Variants in ESRRA observed in about 807,000 individuals in gnomAD.
ESRRA encodes the protein steroid hormone receptor ERR1.
Under a neutral mutation model 35.6 loss-of-function variants are expected in ESRRA, and 7 were observed. That is an observed-to-expected ratio of 0.20 (90% CI 0.11 to 0.37). The LOEUF is 0.37. ESRRA is among the 10% of genes least tolerant of loss of function. The pLI, the probability that ESRRA is intolerant of heterozygous loss-of-function variation, is 1.00. For synonymous variants in ESRRA, 223 were observed against 246.9 expected, an observed-to-expected ratio of 0.90 and a Z score of 0.91; for missense variants, 378 against 561.7, an observed-to-expected ratio of 0.67 and a Z score of 3.31.
At chr11:64,310,583 T>G (rs1485879837) in intron 2 of ESRRA, among the ~76,000 whole-genome samples, 1 of 136,360 alleles carries the variant, frequency 7.3e-6, no homozygotes, top group Non-Finnish European at 1.5e-5. Context: ...TTTGCTCTTG[T>G]TGTCCAGGCT....
rs75011925 is a variant in ESRRA at position 64,307,593 on chromosome 11, C to T, written c.325+89C>T. On this transcript the variant is annotated intron_variant, in intron 2 of 6. Coordinates refer to ENST00000000442, the MANE Select transcript of ESRRA (RefSeq NM_004451.5). Reference sequence around the variant, plus strand: ...ATAGGCCCCCTGATGGCTGTGGCACCGCTTGAGGCTAACAATCTGGTGTTT... The same window carrying T: ...ATAGGCCCCCTGATGGCTGTGGCACTGCTTGAGGCTAACAATCTGGTGTTT... The T allele has an allele frequency of 3.4e-3, 3,373 of 981,984 alleles. 13 individuals are homozygous for T. Among genetic ancestry groups the T allele is most frequent in the Middle Eastern group, 8.6e-3 (39 of 4,542 alleles). 60.8% of individuals were successfully genotyped at this position (981,984 alleles called of 1,614,324 possible). A position where few individuals can be genotyped will look rare whatever the true frequency, so the allele number is the denominator to read the frequency against.
chr11:64,311,875 G>A lies in ESRRA; in HGVS notation c.326-2076G>A, dbSNP rs1318386067. On this transcript the variant is annotated intron_variant, in intron 2 of 6. Coordinates refer to ENST00000000442, the MANE Select transcript of ESRRA (RefSeq NM_004451.5). ...AATTTTTGTATTTTTAGTAGAGACAGGGTTTCACCGTGTTGGTCAGGCTGG... is the reference window on the plus strand; with the variant it reads ...AATTTTTGTATTTTTAGTAGAGACAAGGTTTCACCGTGTTGGTCAGGCTGG... Among the ~76,000 whole-genome samples, 4 of 151,750 alleles carry A rather than the reference G, an allele frequency of 2.6e-5. No individual in the cohort carries two copies. In the East Asian group the frequency reaches 7.8e-4, roughly 30 times the overall value.
chr11:64,310,160 GA>G (rs2035111739), intron 2 of ESRRA, among the ~76,000 whole-genome samples: 1 of 151,850 alleles, frequency 6.6e-6, no homozygotes, highest in Non-Finnish European at 1.5e-5. Context: ...TTCAATGTTA[GA>G]CTGCTTCCTC....
intron 2 of ESRRA, among the ~76,000 whole-genome samples, chr11:64,309,927 C>T (rs372375068): frequency 1.0e-3 from 126 of 123,410 alleles, no homozygotes; most frequent in African/African-American, 3.2e-3. Context: ...AGTGAGAGTT[C>T]GTATCAAAAA....
intron 2 of ESRRA, among the ~76,000 whole-genome samples, chr11:64,311,243 C>T (rs2035133490): frequency 1.3e-5 from 2 of 152,200 alleles, no homozygotes; most frequent in Admixed American, 1.3e-4. Context: ...GGCCAGTGTT[C>T]CAGGCCTTGG....
rs1190056676 is a variant in ESRRA, at chr11:64,313,241, G to A, written c.326-710G>A. On this transcript the variant is annotated intron_variant, in intron 2 of 6. Transcript: ENST00000000442. The surrounding 1 kb of genome is among the most constrained non-coding windows in gnomAD (Gnocchi z 4.0). ...GGGTGTGAGAGGAACCAGAGATTCT[G>A]CCTAGGTTTCTTCTTGGGCAAGTGA... 1.3e-5 allele frequency among the ~76,000 whole-genome samples: 2 copies of A among 152,188 alleles called. No homozygotes were observed. Among genetic ancestry groups the A allele is most frequent in the Non-Finnish European group, 2.9e-5 (2 of 68,030 alleles).
At chr11:64,308,685 G>A (rs1419494869) in intron 2 of ESRRA, among the ~76,000 whole-genome samples, 6 of 142,318 alleles carry the variant, frequency 4.2e-5, no homozygotes, top group East Asian at 2.1e-4. Flanking sequence ...GCATGGTGGC[G>A]GGCGCCTGTA....
At chr11:64,314,186 C>A in intron 3 of ESRRA, 53 bp from the exon 4 acceptor site, 1 of 1,574,486 alleles carries the variant, frequency 6.4e-7, no homozygotes, top group Non-Finnish European at 8.6e-7. Flanking sequence ...GAGAGCAAGC[C>A]CCACCCTGCC....
At chr11:64,315,671 A>G (rs766337908) in intron 6 of ESRRA, 36 bp from the exon 7 acceptor site, 2 of 1,608,096 alleles carry the variant, frequency 1.2e-6, no homozygotes, top group Admixed American at 1.7e-5. Flanking sequence ...TGCCAGAGAT[A>G]GCCCAGGCCA....
At chr11:64,315,656 G>A (rs182661149) in intron 6 of ESRRA, 51 bp from the exon 7 acceptor site, 6 of 1,602,472 alleles carry the variant, frequency 3.7e-6, no homozygotes, top group Non-Finnish European at 5.1e-6. Context: ...TACGGGGAGT[G>A]CCCTTGCCAG....
intron 6 of ESRRA, among the ~76,000 whole-genome samples, 156 bp from the exon 7 acceptor site, chr11:64,315,551 C>T (rs1054696520): frequency 2.0e-4 from 30 of 152,272 alleles, no homozygotes; most frequent in African/African-American, 6.7e-4. Flanking sequence ...GGGGTCCTGG[C>T]CCACGAGCCG....
rs1220200738 is a variant in ESRRA at position 64,305,540 on chromosome 11, G to C, written c.-209G>C. On this transcript the variant is annotated 5_prime_UTR_variant, in exon 1 of 7. Coordinates refer to ENST00000000442, the MANE Select transcript of ESRRA (RefSeq NM_004451.5). The surrounding 1 kb of genome is among the most constrained non-coding windows in gnomAD (Gnocchi z 5.8). ...ACCCCCGCTGTCAGCTGGAGGAAGC[G>C]GAGTAGGAAGCGGCCGCGATGTCCT... The C allele has an allele frequency of 6.6e-6, 1 of 152,120 alleles. No individual in the cohort carries two copies. The highest frequency in any genetic ancestry group is 2.4e-5 in the African/African-American group (1 of 41,380). The allele number at this position is 152,120 out of a possible 1,614,324, so 9.4% of individuals were successfully genotyped here. A position where few individuals can be genotyped will look rare whatever the true frequency, so the allele number is the denominator to read the frequency against.
intron 2 of ESRRA, among the ~76,000 whole-genome samples, chr11:64,308,164 A>G (rs1400767865): frequency 1.3e-5 from 2 of 152,056 alleles, no homozygotes; most frequent in Admixed American, 6.6e-5. Context: ...AACAAGGCAG[A>G]TTTTTATCAG....
At chr11:64,314,487 G>A in intron 4 of ESRRA, 120 bp downstream of exon 4, 1 of 1,276,402 alleles carries the variant, frequency 7.8e-7, no homozygotes, top group Non-Finnish European at 1.1e-6. Flanking sequence ...ATTTCCCCAA[G>A]ACATGTGAAA....
chr11:64,314,461 G>A (rs1215528323), intron 4 of ESRRA, 94 bp downstream of exon 4: 16 of 1,361,864 alleles, frequency 1.2e-5, no homozygotes, highest in Non-Finnish European at 1.5e-5. Flanking sequence ...TTTCCCCTTC[G>A]TCTCTTCACT....
At position 64,314,026 on chromosome 11, in the gene ESRRA, G is replaced by A; in HGVS notation, c.401G>A (p.Cys134Tyr). 6.3e-7 allele frequency: 1 copy of A among 1,588,480 alleles called. No individual in the cohort carries two copies. The highest frequency in any genetic ancestry group is 8.6e-7 in the Non-Finnish European group (1 of 1,167,064). ...CGGAGACGCAAGGCCTGCCAGGCCT[G>A]CCGCTTCACCAAGTGCCTGCGGGTG... ...TKRRRKACQA[C>Y]RFTKCLRVGM... The change falls in exon 3 of 7, where the codon TGC (cysteine) becomes TAC (tyrosine). Residue 134 changes from cysteine (C) to tyrosine (Y), a missense_variant. Physicochemically the swap from Cys to Tyr is radical, Grantham distance 194. Transcript: ENST00000000442.
Position 64,315,871 on chromosome 11 carries a change from G to A in ESRRA, c.1177G>A (p.Gly393Ser). 1.2e-6 allele frequency: 2 copies of A among 1,610,276 alleles called. No homozygotes were observed. Among genetic ancestry groups the A allele is most frequent in the Admixed American group, 1.7e-5 (1 of 59,892 alleles). ...GCTACCGCTCCTCCGCCAGACAGCGGGCAAAGTGCTGGCCCATTTCTATGG... is the reference window on the plus strand; with the variant it reads ...GCTACCGCTCCTCCGCCAGACAGCGAGCAAAGTGCTGGCCCATTTCTATGG... ...LTLPLLRQTAGKVLAHFYGVK... is the reference protein window; with the variant it reads ...LTLPLLRQTASKVLAHFYGVK... The change falls in exon 7 of 7, where the codon GGC becomes AGC. Residue 393 changes from glycine to serine, a missense_variant. Gly to Ser is a moderately conservative substitution (Grantham distance 56). This residue lies in a region of ESRRA where 284 missense variants were observed against 411.7 expected (regional missense o/e 0.69). Transcript: ENST00000000442.
At chr11:64,310,206 C>T (rs529285901) in intron 2 of ESRRA, among the ~76,000 whole-genome samples, 74 of 150,884 alleles carry the variant, frequency 4.9e-4, no homozygotes, top group Non-Finnish European at 8.0e-4. Flanking sequence ...TTTGGACAGA[C>T]GCTGAATGAC....
chr11:64,307,053 C>G, intron 1 of ESRRA, 115 bp from the exon 2 acceptor site: 1 of 798,162 alleles, frequency 1.3e-6, no homozygotes, highest in Non-Finnish European at 2.0e-6. Flanking sequence ...TTCTTCCCCA[C>G]TTGCTGGGCT....
Sources: gnomAD v4.1 joint callset for allele counts (sites outside exome capture counted in the v4.1 genomes callset) on GRCh38, gnomAD v4.1.1 for gene constraint, gnomAD v4.1.1 regional missense constraint, Gnocchi (gnomAD v3.1) non-coding constraint, MANE v1.5 for transcripts, NCBI Gene and HGNC (gene_info 2026-07-23, HGNC 2026-07-21) for gene names.